PLCL2: variants seen among roughly 807,000 people sequenced by gnomAD.
PLCL2 encodes the protein inactive phospholipase C-like protein 2.
In PLCL2, 4 loss-of-function variants were observed where a neutral mutation model predicts 79.6. That is an observed-to-expected ratio of 0.05 (90% CI 0.02 to 0.11). The LOEUF is 0.11. PLCL2 is among the 10% of genes least tolerant of loss of function. PLCL2 has a pLI of 1.00. For missense variants in PLCL2, 895 were observed against 1,291.0 expected, an observed-to-expected ratio of 0.69 and a Z score of 4.70; for synonymous variants, 484 against 457.7, an observed-to-expected ratio of 1.06 and a Z score of -0.73.
chr3:17,079,479 T>G (rs1467864228), intron 5 of PLCL2, among the ~76,000 whole-genome samples: 4 of 152,200 alleles, frequency 2.6e-5, no homozygotes, highest in Non-Finnish European at 5.9e-5. Context: ...AGTCAGAACC[T>G]AGAAAGCTTT....
chr3:16,945,308 T>C (rs1406925784), intron 1 of PLCL2, among the ~76,000 whole-genome samples: 1 of 152,106 alleles, frequency 6.6e-6, no homozygotes, highest in Non-Finnish European at 1.5e-5. Context: ...TTCTGGCTTT[T>C]CTCCGTAGTA....
chr3:16,893,963 C>T (rs1264095060), intron 1 of PLCL2, among the ~76,000 whole-genome samples: 10 of 151,988 alleles, frequency 6.6e-5, no homozygotes, highest in African/African-American at 2.4e-4. Context: ...TTGAAAATGC[C>T]CAGGAAGGGA....
chr3:16,941,398 C>T (rs947109735), intron 1 of PLCL2, among the ~76,000 whole-genome samples: 1 of 152,130 alleles, frequency 6.6e-6, no homozygotes, highest in African/African-American at 2.4e-5. Context: ...AGATGATTCT[C>T]TTTTAAAAAC....
chr3:17,027,689 A>G (rs1178482390), intron 3 of PLCL2, among the ~76,000 whole-genome samples: 1 of 150,942 alleles, frequency 6.6e-6, no homozygotes, highest in African/African-American at 2.4e-5. Context: ...TACTCACTGC[A>G]TTTTGAGTTT....
chr3:16,991,922 G>A (rs908039037), intron 1 of PLCL2, among the ~76,000 whole-genome samples: 18 of 152,146 alleles, frequency 1.2e-4, no homozygotes, highest in African/African-American at 3.9e-4. Context: ...ATTGAGGGAG[G>A]AGGGGAGATG....
intron 3 of PLCL2, among the ~76,000 whole-genome samples, chr3:17,030,340 A>C (rs563443169): frequency 2.8e-4 from 43 of 152,312 alleles, no homozygotes; most frequent in African/African-American, 9.9e-4. Flanking sequence ...AATCATTGTC[A>C]TTATGATTGT....
At chr3:16,999,670 G>C (rs1456653519) in intron 1 of PLCL2, among the ~76,000 whole-genome samples, 3 of 152,166 alleles carry the variant, frequency 2.0e-5, no homozygotes, top group African/African-American at 7.2e-5. Flanking sequence ...ATTTCTGTGG[G>C]TGATTCCTAA....
intron 1 of PLCL2, among the ~76,000 whole-genome samples, chr3:16,888,514 C>T (rs967581614): frequency 2.0e-5 from 3 of 152,186 alleles, no homozygotes; most frequent in Non-Finnish European, 4.4e-5. Context: ...AGATTATTTA[C>T]AAAGGCTCAT....
At chr3:17,003,795 C>A (rs1026596291) in intron 1 of PLCL2, among the ~76,000 whole-genome samples, 3 of 152,122 alleles carry the variant, frequency 2.0e-5, no homozygotes, top group Non-Finnish European at 4.4e-5. Context: ...GGTTCTGCTA[C>A]CCCCTGGGGC....
chr3:17,025,098 G>T (rs1292285753), intron 3 of PLCL2, among the ~76,000 whole-genome samples: 1 of 152,190 alleles, frequency 6.6e-6, no homozygotes, highest in Non-Finnish European at 1.5e-5. Flanking sequence ...GTAGGATGAT[G>T]TGAAGCCTGT....
intron 1 of PLCL2, among the ~76,000 whole-genome samples, chr3:16,961,511 A>C (rs1166523521): frequency 6.6e-6 from 1 of 152,172 alleles, no homozygotes; most frequent in Non-Finnish European, 1.5e-5. Context: ...TCCTGAGGGA[A>C]AGTGCTAATG....
chr3:17,076,851 T>C (rs181924236), intron 5 of PLCL2, among the ~76,000 whole-genome samples: 2 of 152,312 alleles, frequency 1.3e-5, no homozygotes, highest in East Asian at 3.9e-4. Flanking sequence ...TTGAGCAATA[T>C]TGCTATATTT....
chr3:16,975,782 G>T (rs1329130947), intron 1 of PLCL2, among the ~76,000 whole-genome samples: 1 of 152,192 alleles, frequency 6.6e-6, no homozygotes, highest in Non-Finnish European at 1.5e-5. Flanking sequence ...AATCCTCTGA[G>T]TGCATGGGGC....
intron 1 of PLCL2, among the ~76,000 whole-genome samples, chr3:16,992,432 C>A (rs115262455): frequency 0.021 from 3,189 of 152,318 alleles, 54 homozygotes; most frequent in South Asian, 0.043. Context: ...CACCACACCT[C>A]CGTTATCACA....
intron 4 of PLCL2, among the ~76,000 whole-genome samples, chr3:17,056,805 A>C (rs2064896396): frequency 6.6e-6 from 1 of 152,210 alleles, no homozygotes; most frequent in African/African-American, 2.4e-5. Context: ...TATAGATAAC[A>C]GGTATAAATG....
At chr3:16,980,373 C>T (rs1402334180) in intron 1 of PLCL2, among the ~76,000 whole-genome samples, 1 of 148,772 alleles carries the variant, frequency 6.7e-6, no homozygotes, top group Admixed American at 6.6e-5. Context: ...CTCCTCACTT[C>T]TCAGACAGGG....
chr3:17,025,184 G>A (rs1261135298), intron 3 of PLCL2, among the ~76,000 whole-genome samples: 1 of 152,210 alleles, frequency 6.6e-6, no homozygotes, highest in African/African-American at 2.4e-5. Flanking sequence ...TAAAGTTGCA[G>A]TGATAATATA....
intron 4 of PLCL2, among the ~76,000 whole-genome samples, chr3:17,047,402 C>T (rs1395686117): frequency 4.2e-5 from 4 of 95,872 alleles, no homozygotes; most frequent in Non-Finnish European, 2.1e-5. Context: ...CTGTTCTGTG[C>T]ACTTTCAGAA....
At chr3:16,929,125 GC>G (rs747433722) in intron 1 of PLCL2, among the ~76,000 whole-genome samples, 149,442 of 151,674 alleles carry the variant, frequency 0.99, 73,605 homozygotes, top group Middle Eastern at 1. Context: ...GGATACCTGC[GC>G]AGAAATGATG....
Sources: gnomAD v4.1 joint callset for allele counts (sites outside exome capture counted in the v4.1 genomes callset) on GRCh38, gnomAD v4.1.1 for gene constraint, MANE v1.5 for transcripts, NCBI Gene and HGNC (gene_info 2026-07-23, HGNC 2026-07-21) for gene names.